The following DTNA variants were observed in gnomAD, a reference collection of about 807,000 sequenced individuals.
The protein encoded by DTNA is dystrobrevin alpha.
Under a neutral mutation model 100.7 loss-of-function variants are expected in DTNA, and 43 were observed. That is an observed-to-expected ratio of 0.43 (90% CI 0.33 to 0.55). The LOEUF (loss-of-function observed/expected upper bound fraction) is 0.55. Among genes scored for constraint, DTNA ranks in the 20% least tolerant of loss-of-function variants. The pLI is 0.04. For missense variants in DTNA, 798 were observed against 953.9 expected (o/e 0.84, Z 2.15); for synonymous variants, 349 against 347.9 (o/e 1.00, Z -0.04).
chr18:34,549,592 T>TAAATC (rs1244434716), intron 1 of DTNA, among the ~76,000 whole-genome samples: 6 of 152,124 alleles, frequency 3.9e-5, no homozygotes, highest in Non-Finnish European at 5.9e-5. Context: ...GTTCCATAGT[T>TAAATC]ACATCCTACT....
chr18:34,827,657 A>G lies in DTNA; in HGVS notation c.1066A>G (p.Ser356Gly), dbSNP rs760458717. 2.5e-6 allele frequency: 4 copies of G among 1,613,954 alleles called. No individual in the cohort carries two copies. The South Asian group carries it at 4.4e-5, about 18-fold the overall frequency. ...CTCCCACTCTGTTCCCTCCTCAGGAAGTCCTTTTATTACCAGGAGGTAAGT... is the reference window on the plus strand; with the variant it reads ...CTCCCACTCTGTTCCCTCCTCAGGAGGTCCTTTTATTACCAGGAGGTAAGT... ...LFSHSVPSSG[S>G]PFITRRLPEG... Residue 356 changes from serine (S) to glycine (G), a missense_variant, in exon 10 of 23, where the codon AGT becomes GGT. Transcript: ENST00000444659.
Position 34,692,186 on chromosome 18 carries a change from T to C in DTNA, c.-1-63790T>C, listed in dbSNP as rs149744326. 8.2e-3 allele frequency among the ~76,000 whole-genome samples: 1,251 copies of C among 152,300 alleles called. 11 individuals are homozygous for C. The highest frequency in any genetic ancestry group is 0.028 in the African/African-American group (1,174 of 41,578). On this transcript the variant is annotated intron_variant, in intron 1 of 19. Transcript: ENST00000283365. ...GGGAGGGTCATATTTTGAGATAAAT[T>C]TGAGTTCCTTCAGTGTAGTTAAGAT...
chr18:34,866,984 A>T (rs1288004137), intron 17 of DTNA: 1 of 1,202,250 alleles, frequency 8.3e-7, no homozygotes, highest in Non-Finnish European at 1.0e-6. Flanking sequence ...CAAACTCAAA[A>T]AAAAAAACAA....
intron 1 of DTNA, among the ~76,000 whole-genome samples, chr18:34,622,997 T>G (rs949430451): frequency 9.2e-5 from 14 of 152,324 alleles, no homozygotes; most frequent in Middle Eastern, 6.8e-3. Flanking sequence ...TGAAGAACCT[T>G]GACTAATACA....
intron 1 of DTNA, among the ~76,000 whole-genome samples, chr18:34,613,585 T>C (rs1323866543): frequency 2.6e-5 from 4 of 152,196 alleles, no homozygotes; most frequent in Non-Finnish European, 4.4e-5. Context: ...GCCTTATTGC[T>C]GATATAAAGA....
intron 1 of DTNA, among the ~76,000 whole-genome samples, chr18:34,645,942 A>T (rs896814236): frequency 1.6e-4 from 25 of 152,180 alleles, no homozygotes; most frequent in Non-Finnish European, 1.3e-4. Flanking sequence ...AGAAATCAAG[A>T]AACAGAGGTA....
chr18:34,792,090 G>GTTT (rs199767364), intron 3 of DTNA, among the ~76,000 whole-genome samples: 197 of 35,804 alleles, frequency 5.5e-3, no homozygotes, highest in African/African-American at 0.013. Flanking sequence ...TATGTAACCT[G>GTTT]TTGTTTTTTT....
At chr18:34,859,232 C>T (rs1025076719) in intron 16 of DTNA, among the ~76,000 whole-genome samples, 2 of 152,284 alleles carry the variant, frequency 1.3e-5, no homozygotes, top group Non-Finnish European at 2.9e-5. Context: ...GTCTTGACCA[C>T]GAAGTTGTCC....
chr18:34,549,130 G>T (rs377309467), intron 1 of DTNA, among the ~76,000 whole-genome samples: 2 of 151,714 alleles, frequency 1.3e-5, no homozygotes, highest in Non-Finnish European at 2.9e-5. Flanking sequence ...CTCTCTCTCT[G>T]CTCCCACTAA....
At chr18:34,614,965 A>G (rs1343859978) in intron 1 of DTNA, among the ~76,000 whole-genome samples, 1 of 152,242 alleles carries the variant, frequency 6.6e-6, no homozygotes, top group African/African-American at 2.4e-5. Context: ...CATGAAAGGA[A>G]GAGCCAATTA....
intron 1 of DTNA, among the ~76,000 whole-genome samples, chr18:34,729,694 G>A (rs575789827): frequency 8.5e-5 from 13 of 152,144 alleles, no homozygotes; most frequent in East Asian, 5.8e-4. Context: ...CACAGCATAC[G>A]AGGCACTCTC....
At chr18:34,695,656 C>T (rs1360004140) in intron 1 of DTNA, among the ~76,000 whole-genome samples, 3 of 152,162 alleles carry the variant, frequency 2.0e-5, no homozygotes, top group Non-Finnish European at 4.4e-5. Context: ...AGAAGTAGCT[C>T]CTTAAATCAT....
intron 1 of DTNA, among the ~76,000 whole-genome samples, chr18:34,558,804 A>G (rs192676241): frequency 6.6e-6 from 1 of 152,302 alleles, no homozygotes; most frequent in Non-Finnish European, 1.5e-5. Flanking sequence ...TGAGACTGAA[A>G]TGTATGTGCT....
At chr18:34,632,949 T>C (rs1364337704) in intron 1 of DTNA, among the ~76,000 whole-genome samples, 1 of 152,118 alleles carries the variant, frequency 6.6e-6, no homozygotes, top group Non-Finnish European at 1.5e-5. Context: ...GCTATTATTA[T>C]CCCTATTTTA....
At chr18:34,692,714 CTATT>C (rs1312438628) in intron 1 of DTNA, among the ~76,000 whole-genome samples, 2 of 152,142 alleles carry the variant, frequency 1.3e-5, no homozygotes, top group Admixed American at 6.6e-5. Flanking sequence ...GTTCTGCAAA[CTATT>C]TATACAAAAT....
intron 2 of DTNA, chr18:34,757,137 C>T (rs2092830958): frequency 1.3e-5 from 2 of 152,142 alleles, no homozygotes; most frequent in South Asian, 2.1e-4. Context: ...CAGTCGTGTT[C>T]CTTGCTTTTT....
At chr18:34,666,673 T>G (rs1393952329) in intron 1 of DTNA, among the ~76,000 whole-genome samples, 38 of 152,214 alleles carry the variant, frequency 2.5e-4, no homozygotes, top group Admixed American at 6.5e-5. Context: ...ATTTGTTAAA[T>G]AGGGAATCCT....
At chr18:34,871,465 A>G (rs932029917) in intron 17 of DTNA, among the ~76,000 whole-genome samples, 1 of 152,208 alleles carries the variant, frequency 6.6e-6, no homozygotes, top group Non-Finnish European at 1.5e-5. Context: ...AGATCTATAT[A>G]TTGATCTGCA....
chr18:34,681,562 A>G (rs1002040618), intron 1 of DTNA, among the ~76,000 whole-genome samples: 4 of 152,112 alleles, frequency 2.6e-5, no homozygotes, highest in African/African-American at 7.2e-5. Context: ...AATTTTGCCT[A>G]TTCTAGAACT....
Sources: allele counts gnomAD v4.1 joint callset (sites outside exome capture counted in the v4.1 genomes callset), GRCh38; gene constraint gnomAD v4.1.1; transcripts MANE v1.5; gene names NCBI Gene and HGNC (gene_info 2026-07-23, HGNC 2026-07-21).